The following TFCP2L1 variants were observed in gnomAD, a reference collection of about 807,000 sequenced individuals.
TFCP2L1 encodes transcription factor CP2 like 1.
In TFCP2L1, 12 loss-of-function variants were observed where a neutral mutation model predicts 72.2. The ratio of observed to expected loss-of-function variants is 0.17; its 90% CI spans 0.11 to 0.27. The LOEUF is 0.27. Ranked by LOEUF, TFCP2L1 falls within the 10% of genes least tolerant of loss-of-function variation. The pLI is 1.00. For missense variants in TFCP2L1, 488 were observed against 624.6 expected, an observed-to-expected ratio of 0.78 and a Z score of 2.33; for synonymous variants, 260 against 251.0, an observed-to-expected ratio of 1.04 and a Z score of -0.34.
At chr2:121,232,908 A>T (rs931626772) in intron 12 of TFCP2L1, among the ~76,000 whole-genome samples, 14 of 152,328 alleles carry the variant, frequency 9.2e-5, no homozygotes, top group African/African-American at 3.1e-4. Context: ...CTCAACTTCA[A>T]GGGACCTCAA....
chr2:121,250,543 G>A (rs976320988), intron 2 of TFCP2L1, among the ~76,000 whole-genome samples: 3 of 151,140 alleles, frequency 2.0e-5, no homozygotes, highest in Admixed American at 6.6e-5. Context: ...AGCATATATC[G>A]CAATTTAATA....
chr2:121,251,756 C>T (rs773922702), intron 2 of TFCP2L1, among the ~76,000 whole-genome samples: 1 of 152,146 alleles, frequency 6.6e-6, no homozygotes, highest in African/African-American at 2.4e-5. Context: ...ACAATGGATA[C>T]GTATATCAAA....
intron 2 of TFCP2L1, among the ~76,000 whole-genome samples, chr2:121,278,536 A>T (rs1023802671): frequency 1.1e-4 from 16 of 149,744 alleles, no homozygotes; most frequent in Non-Finnish European, 8.9e-5. Context: ...AAATACAAAA[A>T]TTAGGTGGGC....
intron 2 of TFCP2L1, among the ~76,000 whole-genome samples, chr2:121,263,563 C>A (rs1373283949): frequency 6.8e-6 from 1 of 147,120 alleles, no homozygotes; most frequent in Non-Finnish European, 1.5e-5. Flanking sequence ...AAATACAAAT[C>A]AAAATAAGGT....
chr2:121,258,029 T>G (rs1686762070), intron 2 of TFCP2L1, among the ~76,000 whole-genome samples: 1 of 152,266 alleles, frequency 6.6e-6, no homozygotes, highest in African/African-American at 2.4e-5. Flanking sequence ...AGTGGCAGAA[T>G]TTGGTGTTAA....
intron 10 of TFCP2L1, among the ~76,000 whole-genome samples, chr2:121,236,173 C>G (rs745549705): frequency 2.0e-5 from 3 of 152,176 alleles, no homozygotes; most frequent in Admixed American, 6.5e-5. Context: ...GCTGGGGGGG[C>G]TTCAGGTCTG....
At position 121,248,288 on chromosome 2, in the gene TFCP2L1, CAT is replaced by C. The variant is rs1558735650; in HGVS notation, c.398-20_398-19del. 3 of 1,578,456 alleles carry C rather than the reference CAT, an allele frequency of 1.9e-6. No individual in the cohort carries two copies. Among genetic ancestry groups the C allele is most frequent in the Non-Finnish European group, 2.6e-6 (3 of 1,152,102 alleles). On this transcript the variant is annotated intron_variant, in intron 4 of 14. Coordinates refer to ENST00000263707, the MANE Select transcript of TFCP2L1 (RefSeq NM_014553.3). The stretch of plus-strand genomic sequence containing the variant: ...TGGAATATCTGCATACACACACACA[CAT>C]ACAGAAAGTGCAATTGTCAGCCTCT...
chr2:121,239,498 G>A, intron 8 of TFCP2L1, 60 bp downstream of exon 8: 2 of 1,581,648 alleles, frequency 1.3e-6, no homozygotes, highest in South Asian at 2.2e-5. Context: ...GGAAGACTAA[G>A]AAAGGAAAGT....
chr2:121,256,960 C>A (rs56892424), intron 2 of TFCP2L1, among the ~76,000 whole-genome samples: 8,322 of 151,980 alleles, frequency 0.055, 301 homozygotes, highest in African/African-American at 0.098. Context: ...GCAACGGCCC[C>A]AGGAAACCTC....
At chr2:121,225,860 C>T (rs956305995) in intron 13 of TFCP2L1, among the ~76,000 whole-genome samples, 125 of 137,544 alleles carry the variant, frequency 9.1e-4, no homozygotes, top group African/African-American at 3.1e-3. Context: ...CCACGGTGCC[C>T]ACACACAAGG....
intron 2 of TFCP2L1, among the ~76,000 whole-genome samples, chr2:121,265,553 G>A (rs1380126053): frequency 2.6e-5 from 4 of 151,566 alleles, no homozygotes; most frequent in South Asian, 2.1e-4. Context: ...GTGCAATCTC[G>A]GCTCATCACA....
chr2:121,252,515 C>T (rs939152640), intron 2 of TFCP2L1, among the ~76,000 whole-genome samples: 3 of 152,116 alleles, frequency 2.0e-5, no homozygotes, highest in Non-Finnish European at 2.9e-5. Context: ...GATTCTGAGA[C>T]GAGGAAGTCA....
At chr2:121,225,515 C>G in intron 14 of TFCP2L1, 47 bp downstream of exon 14, 3 of 1,591,184 alleles carry the variant, frequency 1.9e-6, no homozygotes, top group Non-Finnish European at 2.6e-6. Context: ...AGGCCCCACC[C>G]TCTCACCTGC....
intron 2 of TFCP2L1, among the ~76,000 whole-genome samples, chr2:121,272,272 T>C (rs1377082822): frequency 1.3e-5 from 2 of 152,030 alleles, no homozygotes; most frequent in East Asian, 3.9e-4. Context: ...CAGAAGAGAG[T>C]ATCAGAAAGT....
At chr2:121,228,449 T>C (rs968793861) in intron 13 of TFCP2L1, among the ~76,000 whole-genome samples, 4 of 120,526 alleles carry the variant, frequency 3.3e-5, no homozygotes, top group Admixed American at 8.2e-5. Flanking sequence ...CTCCGTAAAA[T>C]AGGAGTTAAA....
intron 13 of TFCP2L1, among the ~76,000 whole-genome samples, chr2:121,229,374 T>C (rs1686096486): frequency 6.6e-6 from 1 of 152,220 alleles, no homozygotes; most frequent in Non-Finnish European, 1.5e-5. Context: ...TCTGCTGTTC[T>C]ATGTTGCTTA....
chr2:121,265,486 CT>C lies in TFCP2L1; in HGVS notation c.214+15633del, dbSNP rs895291066. On this transcript the variant is annotated intron_variant, in intron 2 of 14. Coordinates refer to ENST00000263707, the MANE Select transcript of TFCP2L1 (RefSeq NM_014553.3). Reference sequence around the variant, plus strand: ...GTATGTGAATCATATCACAATAAAGCTTTTTTTTTTTCTTTGAGACAGGGTC... The same window carrying C: ...GTATGTGAATCATATCACAATAAAGCTTTTTTTTTTCTTTGAGACAGGGTC... 2.6e-3 allele frequency among the ~76,000 whole-genome samples: 378 copies of C among 147,004 alleles called. 2 individuals are homozygous for C. The highest frequency in any genetic ancestry group is 8.4e-3 in the African/African-American group (338 of 40,352).
rs1454556600 is a variant in TFCP2L1 at position 121,231,924 on chromosome 2, T to C, written c.1243A>G (p.Ile415Val). 6.2e-7 allele frequency: 1 copy of C among 1,612,942 alleles called. No homozygotes were observed. The stretch of plus-strand genomic sequence containing the variant: ...CTGTACAGGTTGGCGATCTTCTCAA[T>C]CAGCTCCAAGGTGGTCAGCTCTTCC... Reference protein sequence around the residue: ...FLEELTTLELIEKIANLYSIS... With the variant: ...FLEELTTLELVEKIANLYSIS... Residue 415 changes from isoleucine (I) to valine (V), a missense_variant, in exon 13 of 15, where the codon ATT becomes GTT. Coordinates refer to ENST00000263707, the MANE Select transcript of TFCP2L1 (RefSeq NM_014553.3).
intron 2 of TFCP2L1, among the ~76,000 whole-genome samples, chr2:121,276,068 G>A (rs964047171): frequency 9.2e-5 from 14 of 152,260 alleles, no homozygotes; most frequent in African/African-American, 3.4e-4. Flanking sequence ...TTTAGGATAT[G>A]GTTTGTTTTT....
Sources: gnomAD v4.1 joint callset for allele counts (sites outside exome capture counted in the v4.1 genomes callset) on GRCh38, gnomAD v4.1.1 for gene constraint, MANE v1.5 for transcripts, NCBI Gene and HGNC (gene_info 2026-07-23, HGNC 2026-07-21) for gene names.